The following AGAP1 variants were observed in gnomAD, a reference collection of about 807,000 sequenced individuals.
The protein encoded by AGAP1 is ArfGAP with GTPase domain, ankyrin repeat and PH domain 1.
A neutral mutation model predicts 105.3 loss-of-function variants in AGAP1; 29 were observed. That is an observed-to-expected ratio of 0.28 (90% CI 0.21 to 0.38). The LOEUF is 0.38. Among genes scored for constraint, AGAP1 ranks in the 10% least tolerant of loss-of-function variants. The probability of loss-of-function intolerance (pLI) is 1.00; values close to 1 mark genes in which losing one functional copy is unlikely to be tolerated. For synonymous variants in AGAP1, 509 were observed against 485.9 expected (o/e 1.05, Z -0.63); for missense variants, 998 against 1,165.1 (o/e 0.86, Z 2.09).
intron 12 of AGAP1, among the ~76,000 whole-genome samples, chr2:235,948,264 A>C (rs1384631031): frequency 6.6e-6 from 1 of 151,986 alleles, no homozygotes; most frequent in Non-Finnish European, 1.5e-5. Context: ...CTCACTGCAG[A>C]CTCTGCCTCC....
In AGAP1 at chr2:235,621,743, G is replaced by A. The variant is rs1946487816; in HGVS notation, c.164-87436G>A. Among the ~76,000 whole-genome samples, 1 of 152,210 alleles carries A rather than the reference G, an allele frequency of 6.6e-6. No homozygotes were observed. The highest frequency in any genetic ancestry group is 2.1e-4 in the South Asian group (1 of 4,830). On this transcript the variant is annotated intron_variant, in intron 1 of 17. Transcript: ENST00000304032. The surrounding 1 kb of genome is among the most constrained non-coding windows in gnomAD (Gnocchi z 4.1). ...CCCTGGGTTTATGTCCTAAGGATTT[G>A]AAGATAGAAGAGGCACAGCAGTCAC...
At chr2:235,943,284 A>G (rs551132342) in intron 12 of AGAP1, among the ~76,000 whole-genome samples, 11 of 151,922 alleles carry the variant, frequency 7.2e-5, no homozygotes, top group Non-Finnish European at 1.5e-4. Context: ...CATTGGTCAA[A>G]TCTTTTTCAT....
chr2:235,783,034 GTGTGTGTGTGTGTGTGTC>G (rs147555660), intron 6 of AGAP1, among the ~76,000 whole-genome samples: 36,061 of 151,002 alleles, frequency 0.24, 4,896 homozygotes, highest in Admixed American at 0.39. Flanking sequence ...GTGTGTGTGT[GTGTGTGTGTGTGTGTGTC>G]TAGGTTGCAG....
Position 236,020,837 on chromosome 2 carries a change from AC to A in AGAP1, c.1646-15720del, listed in dbSNP as rs1272091683. Among the ~76,000 whole-genome samples, 1 of 152,120 alleles carries A rather than the reference AC, an allele frequency of 6.6e-6. No individual in the cohort carries two copies. The highest frequency in any genetic ancestry group is 2.4e-5 in the African/African-American group (1 of 41,416). ...GTACAGAGCAGAGCTGGCCAAAGCC[AC>A]CCCTCCTCAGTGATGAGCAGCACCA... is the stretch of plus-strand genomic sequence containing the variant. On this transcript the variant is annotated intron_variant, in intron 13 of 17. Coordinates refer to ENST00000304032, the MANE Select transcript of AGAP1 (RefSeq NM_001037131.3). The surrounding 1 kb of genome is among the most constrained non-coding windows in gnomAD (Gnocchi z 5.0).
rs141165904 is a variant in AGAP1 at position 235,812,909 on chromosome 2, A to G, written c.1050+5578A>G. ...CCCGTTTTGCTCCCCAGAAGCAGATAATTTACAGAGTGAACTGCCGTGCCC... is the reference window on the plus strand; with the variant it reads ...CCCGTTTTGCTCCCCAGAAGCAGATGATTTACAGAGTGAACTGCCGTGCCC... On this transcript the variant is annotated intron_variant, in intron 9 of 17. Coordinates refer to ENST00000304032, the MANE Select transcript of AGAP1 (RefSeq NM_001037131.3). Among the ~76,000 whole-genome samples the G allele has an allele frequency of 1.4e-3, 207 of 152,342 alleles. 1 individual carries two copies. Among genetic ancestry groups the G allele is most frequent in the Middle Eastern group, 6.8e-3 (2 of 294 alleles).
chr2:235,770,634 T>C (rs1385374864), intron 6 of AGAP1, among the ~76,000 whole-genome samples: 1 of 152,206 alleles, frequency 6.6e-6, no homozygotes, highest in Non-Finnish European at 1.5e-5. Context: ...AAGCTTAAAC[T>C]GAAGGACAAG....
Position 235,905,259 on chromosome 2 carries a change from T to C in AGAP1, c.1156-3479T>C, listed in dbSNP as rs554715756. On this transcript the variant is annotated intron_variant, in intron 10 of 17. Transcript: ENST00000304032. The surrounding 1 kb of genome is among the most constrained non-coding windows in gnomAD (Gnocchi z 4.2). ...TAAATGCTCAATTACACTCCTGTTA[T>C]TGTATTTTAATTTGTTAAGAATTGG... Among the ~76,000 whole-genome samples the C allele has an allele frequency of 1.3e-5, 2 of 152,358 alleles. No individual in the cohort carries two copies. Among genetic ancestry groups the C allele is most frequent in the East Asian group, 1.9e-4 (1 of 5,186 alleles).
Position 235,521,526 on chromosome 2 carries a change from G to T in AGAP1, c.163+26677G>T, listed in dbSNP as rs553465089. On this transcript the variant is annotated intron_variant, in intron 1 of 17. Transcript: ENST00000304032. ...CTTTTAAATATAAGCAAATACATGC[G>T]AATGGGTACTTATATAACCTCCTGC... Among the ~76,000 whole-genome samples the T allele has an allele frequency of 3.3e-5, 5 of 152,026 alleles. No individual in the cohort carries two copies. In the South Asian group the frequency reaches 1.0e-3, roughly 32 times the overall value.
intron 11 of AGAP1, among the ~76,000 whole-genome samples, chr2:235,924,492 A>T (rs1053032254): frequency 1.3e-5 from 2 of 152,130 alleles, no homozygotes. Flanking sequence ...GGCCCGCTAG[A>T]AGGTCAATGT....
chr2:235,783,839 T>G (rs974908126), intron 6 of AGAP1, among the ~76,000 whole-genome samples: 1 of 152,096 alleles, frequency 6.6e-6, no homozygotes, highest in African/African-American at 2.4e-5. Context: ...CTAAGATGTT[T>G]TGCATTTCAC....
chr2:235,677,071 CTG>C (rs943154598), intron 1 of AGAP1, among the ~76,000 whole-genome samples: 5 of 152,224 alleles, frequency 3.3e-5, no homozygotes, highest in African/African-American at 4.8e-5. Context: ...AGCCCTAGAA[CTG>C]TGTTTCCCAT....
intron 13 of AGAP1, among the ~76,000 whole-genome samples, chr2:235,984,469 T>A (rs141442353): frequency 0.03 from 4,179 of 139,454 alleles, 106 homozygotes; most frequent in South Asian, 0.12. Flanking sequence ...ACCACCAAAT[T>A]CTTTTTTTTT....
chr2:235,893,783 T>C lies in AGAP1; in HGVS notation c.1155+10334T>C, dbSNP rs561083376. Reference sequence around the variant, plus strand: ...CTTAGTACACACCGGTCACAGTGACTTGAGTGCCACCACAATGAAGTTTCC... The same window carrying C: ...CTTAGTACACACCGGTCACAGTGACCTGAGTGCCACCACAATGAAGTTTCC... On this transcript the variant is annotated intron_variant, in intron 10 of 17. Coordinates refer to ENST00000304032, the MANE Select transcript of AGAP1 (RefSeq NM_001037131.3). This position sits in a 1 kb window ranked among gnomAD's most constrained non-coding sequence, Gnocchi z 4.7. 4.6e-5 allele frequency among the ~76,000 whole-genome samples: 7 copies of C among 152,292 alleles called. No homozygotes were observed. The South Asian group carries it at 1.5e-3, about 32-fold the overall frequency.
At chr2:235,945,689 T>C (rs2053463495) in intron 12 of AGAP1, among the ~76,000 whole-genome samples, 1 of 152,018 alleles carries the variant, frequency 6.6e-6, no homozygotes, top group Non-Finnish European at 1.5e-5. Flanking sequence ...AGTGGGTACC[T>C]GTATGAATCC....
rs1042450552 is a variant in AGAP1, at chr2:235,889,684, T to G, written c.1155+6235T>G. ...ACTTAGGACATAAGCTAAATCTACATACCCTTCCTACACCACAGATAGAAG... is the reference window on the plus strand; with the variant it reads ...ACTTAGGACATAAGCTAAATCTACAGACCCTTCCTACACCACAGATAGAAG... On this transcript the variant is annotated intron_variant, in intron 10 of 17. Coordinates refer to ENST00000304032, the MANE Select transcript of AGAP1 (RefSeq NM_001037131.3). This position sits in a 1 kb window ranked among gnomAD's most constrained non-coding sequence, Gnocchi z 4.6. 2.0e-5 allele frequency among the ~76,000 whole-genome samples: 3 copies of G among 151,972 alleles called. No homozygotes were observed. Among genetic ancestry groups the G allele is most frequent in the African/African-American group, 7.2e-5 (3 of 41,384 alleles).
intron 16 of AGAP1, among the ~76,000 whole-genome samples, chr2:236,071,482 T>G (rs368107567): frequency 3.3e-4 from 51 of 152,304 alleles, no homozygotes; most frequent in African/African-American, 1.0e-3. Context: ...CTGGAACATT[T>G]ATTTGTTCAA....
At position 236,049,290 on chromosome 2, in the gene AGAP1, T is replaced by C. The variant is rs2057823189; in HGVS notation, c.2114+9T>C. On this transcript the variant is annotated intron_variant, in intron 16 of 17. Transcript: ENST00000304032. The stretch of plus-strand genomic sequence containing the variant: ...TCGGTAGACTCCACAAGGTAGGAAC[T>C]TTGGAAGATGCCTGGCTCCCGACAC... 2 of 1,603,980 alleles carry C rather than the reference T, an allele frequency of 1.2e-6. No homozygotes were observed. The highest frequency in any genetic ancestry group is 2.2e-5 in the South Asian group (2 of 90,758).
intron 13 of AGAP1, among the ~76,000 whole-genome samples, chr2:235,998,714 GTGA>G (rs1007840790): frequency 1.2e-5 from 1 of 83,724 alleles, no homozygotes; most frequent in Admixed American, 1.2e-4. Context: ...GATGATAGTG[GTGA>G]TGATGATGGT....
intron 10 of AGAP1, among the ~76,000 whole-genome samples, chr2:235,903,294 C>T (rs963522488): frequency 2.0e-5 from 3 of 151,958 alleles, no homozygotes; most frequent in South Asian, 2.1e-4. Context: ...TTGAAGTATA[C>T]GTAAAAATGG....
Sources: gnomAD v4.1 joint callset for allele counts (sites outside exome capture counted in the v4.1 genomes callset) on GRCh38, gnomAD v4.1.1 for gene constraint, Gnocchi (gnomAD v3.1) non-coding constraint, MANE v1.5 for transcripts, NCBI Gene and HGNC (gene_info 2026-07-23, HGNC 2026-07-21) for gene names.